Variants in COL5A2 observed in about 807,000 individuals in gnomAD.
The protein encoded by COL5A2 is collagen alpha-2(V) chain.
A neutral mutation model predicts 208.2 loss-of-function variants in COL5A2; 23 were observed. The observed-to-expected ratio is 0.11, with a 90% CI of 0.08 to 0.16. The LOEUF (loss-of-function observed/expected upper bound fraction) is 0.16, where lower values mean the gene tolerates loss of function less well. COL5A2 is among the 10% of genes least tolerant of loss of function. The pLI is 1.00. For missense variants in COL5A2, 1,590 were observed against 1,956.4 expected, an observed-to-expected ratio of 0.81 and a Z score of 3.53; for synonymous variants, 625 against 628.5, an observed-to-expected ratio of 0.99 and a Z score of 0.08.
At chr2:189,266,725 T>C in the COL5A2 span, among the ~76,000 whole-genome samples, 2 of 151,994 alleles carry the variant, frequency 1.3e-5, no homozygotes, top group Non-Finnish European at 2.9e-5. Flanking sequence ...TGTGAATATA[T>C]GAAAAAATAC....
chr2:189,335,451 T>C, the COL5A2 span, among the ~76,000 whole-genome samples: 1 of 152,108 alleles, frequency 6.6e-6, no homozygotes, highest in African/African-American at 2.4e-5. Context: ...AGCAATTCCA[T>C]TCTTAGAAAT....
chr2:189,342,514 T>TAATATATATGTATATATGCATATA, the COL5A2 span, among the ~76,000 whole-genome samples: 37 of 148,524 alleles, frequency 2.5e-4, no homozygotes, highest in Middle Eastern at 3.5e-3. Flanking sequence ...TATATACATA[T>TAATATATATGTATATATGCATATA]ATATAAACCC....
the COL5A2 span, among the ~76,000 whole-genome samples, chr2:189,289,425 A>T: frequency 1.3e-5 from 2 of 152,160 alleles, no homozygotes; most frequent in Admixed American, 6.5e-5. Flanking sequence ...CACTTCTAAC[A>T]TCATACTCAA....
chr2:189,334,116 G>A, the COL5A2 span, among the ~76,000 whole-genome samples: 5,529 of 151,962 alleles, frequency 0.036, 117 homozygotes, highest in Admixed American at 0.05. Flanking sequence ...GATAGGAATT[G>A]TTTAAATATA....
chr2:189,246,949 CT>C, the COL5A2 span, among the ~76,000 whole-genome samples: 1 of 152,160 alleles, frequency 6.6e-6, no homozygotes, highest in African/African-American at 2.4e-5. Context: ...ACTATTGCTT[CT>C]ACCCAAAGTT....
chr2:189,360,141 G>A, the COL5A2 span, among the ~76,000 whole-genome samples: 847 of 151,840 alleles, frequency 5.6e-3, 6 homozygotes, highest in Middle Eastern at 0.014. Context: ...TGCATCATTA[G>A]GTTGTTTATT....
chr2:189,068,731 G>A lies in COL5A2; in HGVS notation c.1257+55C>T, dbSNP rs190737733. The A allele has an allele frequency of 6.3e-4, 786 of 1,244,542 alleles. 4 individuals are homozygous for A. In the African/African-American group the frequency reaches 9.9e-3, roughly 16 times the overall value. The allele number at this position is 1,244,542 out of a possible 1,614,324, so 77.1% of individuals were successfully genotyped here. A position where few individuals can be genotyped will look rare whatever the true frequency, so the allele number is the denominator to read the frequency against. On this transcript the variant is annotated intron_variant, in intron 19 of 53. Transcript: ENST00000374866. The stretch of plus-strand genomic sequence containing the variant: ...AAAAATAGGTTGAATTTGTTCTGAT[G>A]TTACAAGAAATGTCCAGCTTTCTGG...
the COL5A2 span, among the ~76,000 whole-genome samples, chr2:189,349,309 T>G: frequency 5.3e-5 from 8 of 152,236 alleles, no homozygotes; most frequent in East Asian, 1.2e-3. Flanking sequence ...ACAAACTGAA[T>G]GTATGCTGAA....
At chr2:189,251,939 C>G in the COL5A2 span, among the ~76,000 whole-genome samples, 1 of 152,040 alleles carries the variant, frequency 6.6e-6, no homozygotes, top group African/African-American at 2.4e-5. Context: ...ACCCCATCAA[C>G]AAGTGGGCGA....
At position 189,058,458 on chromosome 2, in the gene COL5A2, C is replaced by T. The variant is rs774571321; in HGVS notation, c.2200G>A (p.Ala734Thr). The change falls in exon 33 of 54, where the codon GCT becomes ACT. Residue 734 changes from alanine (A) to threonine (T), a missense_variant. Physicochemically the swap from Ala to Thr is moderately conservative, Grantham distance 58 (BLOSUM62 0). Coordinates refer to ENST00000374866, the MANE Select transcript of COL5A2 (RefSeq NM_000393.5). ...ITGLPGEKGMAGGHGPDGPKG... is the reference protein window; with the variant it reads ...ITGLPGEKGMTGGHGPDGPKG... ...GGGCCATCAGGACCATGTCCTCCAG[C>T]CATTCCCTTCTCACCAGGGAGTCCA... The T allele has an allele frequency of 1.3e-5, 21 of 1,614,034 alleles. No homozygotes were observed. The highest frequency in any genetic ancestry group is 1.7e-5 in the Non-Finnish European group (20 of 1,179,922).
At chr2:189,322,204 A>C in the COL5A2 span, among the ~76,000 whole-genome samples, 11 of 152,230 alleles carry the variant, frequency 7.2e-5, no homozygotes, top group Admixed American at 2.0e-4. Flanking sequence ...TTATAGCACT[A>C]AATACCCACA....
the COL5A2 span, among the ~76,000 whole-genome samples, chr2:189,360,975 T>TG: frequency 2.0e-5 from 3 of 151,708 alleles, no homozygotes; most frequent in Admixed American, 1.3e-4. Flanking sequence ...CTGTTCTGTT[T>TG]TTTTTTTTTT....
At chr2:189,157,133 T>TCG (rs1553521840) in intron 1 of COL5A2, among the ~76,000 whole-genome samples, 4 of 82,840 alleles carry the variant, frequency 4.8e-5, no homozygotes, top group Admixed American at 1.3e-4. Context: ...TCTATCTATA[T>TCG]ATATATCTAT....
chr2:189,314,362 G>A, the COL5A2 span, among the ~76,000 whole-genome samples: 1 of 152,062 alleles, frequency 6.6e-6, no homozygotes, highest in Non-Finnish European at 1.5e-5. Flanking sequence ...ATAAAATTAA[G>A]GCAGAAATCA....
chr2:189,323,266 AG>A, the COL5A2 span, among the ~76,000 whole-genome samples: 1 of 152,192 alleles, frequency 6.6e-6, no homozygotes, highest in East Asian at 1.9e-4. Context: ...GGCACAAGAC[AG>A]GGATGCCCTC....
At chr2:189,368,363 C>G in the COL5A2 span, among the ~76,000 whole-genome samples, 3 of 152,110 alleles carry the variant, frequency 2.0e-5, no homozygotes, top group African/African-American at 7.2e-5. Flanking sequence ...ACTGGCTGAT[C>G]CAACTTCAAG....
intron 18 of COL5A2, among the ~76,000 whole-genome samples, chr2:189,069,403 A>G (rs1256367428): frequency 6.6e-6 from 1 of 152,208 alleles, no homozygotes; most frequent in Non-Finnish European, 1.5e-5. Context: ...ATGTTCTTAC[A>G]TAAATACTCA....
rs779153546 is a variant in COL5A2 at position 189,098,753 on chromosome 2, C to T, written c.376G>A (p.Gly126Ser). 39 of 1,612,822 alleles carry T rather than the reference C, an allele frequency of 2.4e-5. 1 individual carries two copies. The Admixed American group carries it at 3.0e-4, about 12-fold the overall frequency. The change falls in exon 5 of 54, where the codon GGC becomes AGC. Residue 126 changes from glycine to serine, a missense_variant. Coordinates refer to ENST00000374866, the MANE Select transcript of COL5A2 (RefSeq NM_000393.5). Reference protein sequence around the residue: ...GEPGLVPVVTGIRGRPGPAGP... With the variant: ...GEPGLVPVVTSIRGRPGPAGP... ...GCCGGTCCTGGACGACCACGTATGC[C>T]TGTTACCTAAACAATAAACAAGAAA...
At chr2:189,381,207 A>C in the COL5A2 span, among the ~76,000 whole-genome samples, 2 of 152,170 alleles carry the variant, frequency 1.3e-5, no homozygotes, top group South Asian at 4.1e-4. Flanking sequence ...TTGAAACATA[A>C]ACTTAAAACT....
Sources: gnomAD v4.1 joint callset for allele counts (sites outside exome capture counted in the v4.1 genomes callset) on GRCh38, gnomAD v4.1.1 for gene constraint, MANE v1.5 for transcripts, NCBI Gene and HGNC (gene_info 2026-07-23, HGNC 2026-07-21) for gene names.